Variants in CD5 observed in about 807,000 individuals in gnomAD.
The protein encoded by CD5 is CD5 molecule, also known as T-cell surface glycoprotein CD5.
A neutral mutation model predicts 60.3 loss-of-function variants in CD5; 36 were observed. That is an observed-to-expected ratio of 0.60 (90% CI 0.46 to 0.79). The LOEUF is 0.79. Ranked by LOEUF, CD5 falls within the 30% of genes least tolerant of loss-of-function variation. The pLI, the probability that CD5 is intolerant of heterozygous loss-of-function variation, is 0.00. For missense variants in CD5, 540 were observed against 630.6 expected, an observed-to-expected ratio of 0.86 and a Z score of 1.54; for synonymous variants, 230 against 257.6, an observed-to-expected ratio of 0.89 and a Z score of 1.03.
chr11:61,101,363 T>A (rs1017677937), upstream of CD5, among the ~76,000 whole-genome samples: 2 of 73,454 alleles, frequency 2.7e-5, no homozygotes, highest in Non-Finnish European at 5.3e-5. Flanking sequence ...AACATGGAGA[T>A]CACACACACA....
chr11:61,119,632 A>T, intron 5 of CD5, 57 bp downstream of exon 5: 1 of 1,246,116 alleles, frequency 8.0e-7, no homozygotes, highest in Non-Finnish European at 1.1e-6. Flanking sequence ...GTGGGGTCAC[A>T]GAGCATCCCA....
chr11:61,114,986 G>A, intron 1 of CD5, 70 bp from the exon 2 acceptor site: 2 of 1,459,446 alleles, frequency 1.4e-6, no homozygotes, highest in Non-Finnish European at 1.9e-6. Context: ...CGGGCTGTGG[G>A]TGGGTGAGCT....
intron 5 of CD5, among the ~76,000 whole-genome samples, chr11:61,121,084 C>T (rs572311305): frequency 6.6e-6 from 1 of 152,370 alleles, no homozygotes; most frequent in African/African-American, 2.4e-5. Context: ...TGCTGAAAGC[C>T]TGGCCCTCAG....
intron 1 of CD5, among the ~76,000 whole-genome samples, chr11:61,110,891 GTGATGGTGATGA>G (rs1860845716): frequency 1.3e-5 from 2 of 152,166 alleles, no homozygotes; most frequent in Admixed American, 1.3e-4. Flanking sequence ...GATGGTGACG[GTGATGGTGATGA>G]TGATGGTGAC....
At chr11:61,109,161 A>G (rs1032093144) in intron 1 of CD5, among the ~76,000 whole-genome samples, 2 of 152,248 alleles carry the variant, frequency 1.3e-5, no homozygotes, top group African/African-American at 4.8e-5. Context: ...CATGCAAGTC[A>G]ACAAATATTC....
At chr11:61,095,716 T>C in the CD5 span, among the ~76,000 whole-genome samples, 1 of 152,062 alleles carries the variant, frequency 6.6e-6, no homozygotes. Flanking sequence ...GAGGCATTAA[T>C]AGAAGGTCTA....
intron 8 of CD5, 113 bp downstream of exon 8, chr11:61,124,050 G>C (rs1861111367): frequency 1.2e-6 from 1 of 813,612 alleles, no homozygotes; most frequent in Non-Finnish European, 2.1e-6. Flanking sequence ...TGAAGCCTCT[G>C]ATCTCCACGG....
intron 1 of CD5, among the ~76,000 whole-genome samples, chr11:61,107,123 G>A (rs541251611): frequency 6.6e-6 from 1 of 152,160 alleles, no homozygotes; most frequent in African/African-American, 2.4e-5. Flanking sequence ...GGCTGGGACC[G>A]GAAGCCTTGG....
Position 61,119,218 on chromosome 11 carries a change from C to T in CD5, c.464-16C>T. 1 of 1,568,286 alleles carries T rather than the reference C, an allele frequency of 6.4e-7. No homozygotes were observed. Among genetic ancestry groups the T allele is most frequent in the Non-Finnish European group, 8.6e-7 (1 of 1,158,218 alleles). The stretch of plus-strand genomic sequence containing the variant: ...GCGCTCAGGGTGGCTCCCCCTCCTG[C>T]TCTCTCCTCTCCTAGCTCCTCCCAG... On this transcript the variant is annotated splice_polypyrimidine_tract_variant and intron_variant, in intron 4 of 10. Transcript: ENST00000347785.
chr11:61,123,051 A>C lies in CD5; in HGVS notation c.1225+19A>C. On this transcript the variant is annotated intron_variant, in intron 7 of 10. Transcript: ENST00000347785. ...AAGAAATGTAGGTGTCACGGCCCTG[A>C]GTGGCTCCGTTCCCACGTGCAGAGA... The C allele has an allele frequency of 6.3e-7, 1 of 1,594,252 alleles. No individual in the cohort carries two copies. Among genetic ancestry groups the C allele is most frequent in the Non-Finnish European group, 8.5e-7 (1 of 1,169,630 alleles).
intron 7 of CD5, 73 bp from the exon 8 acceptor site, chr11:61,123,811 A>AGGC: frequency 2.3e-5 from 6 of 262,100 alleles, no homozygotes; most frequent in East Asian, 9.3e-5. Flanking sequence ...GCCCAGCCCC[A>AGGC]TCCCCACCCC....
At chr11:61,125,262 AC>A (rs1168851026) in intron 9 of CD5, 111 bp downstream of exon 9, 3 of 1,225,804 alleles carry the variant, frequency 2.4e-6, no homozygotes, top group Admixed American at 2.0e-5. Context: ...CAGAATGGAG[AC>A]CCCAGGGTGC....
chr11:61,095,908 C>T, the CD5 span, among the ~76,000 whole-genome samples: 2 of 152,200 alleles, frequency 1.3e-5, no homozygotes, highest in Admixed American at 6.5e-5. Flanking sequence ...AGTCAAAGCA[C>T]GGAATATATC....
Position 61,126,740 on chromosome 11 carries a change from G to A in CD5, c.*455G>A, listed in dbSNP as rs1289592624. ...CAAATCGAGCGCTTTGGCCTCTTCTGTGCAGCATCCACCCCTGCGGATCCC... is the reference window on the plus strand; with the variant it reads ...CAAATCGAGCGCTTTGGCCTCTTCTATGCAGCATCCACCCCTGCGGATCCC... On this transcript the variant is annotated 3_prime_UTR_variant, in exon 11 of 11. Transcript: ENST00000347785. 1 of 152,270 alleles carries A rather than the reference G, an allele frequency of 6.6e-6. No individual in the cohort carries two copies. The highest frequency in any genetic ancestry group is 2.4e-5 in the African/African-American group (1 of 41,448). 9.4% of individuals were successfully genotyped at this position (152,270 alleles called of 1,614,324 possible).
At chr11:61,122,373 T>TGATG (rs6144363) in intron 6 of CD5, among the ~76,000 whole-genome samples, 1,550 of 116,732 alleles carry the variant, frequency 0.013, 17 homozygotes, top group Middle Eastern at 0.024. Flanking sequence ...GGTGGATGGA[T>TGATG]GATGGATGGA....
chr11:61,119,641 C>A, intron 5 of CD5, 66 bp downstream of exon 5: 1 of 1,165,238 alleles, frequency 8.6e-7, no homozygotes, highest in Non-Finnish European at 1.2e-6. Flanking sequence ...CAGAGCATCC[C>A]AGAAGGTCAG....
chr11:61,119,665 A>C (rs1452701519), intron 5 of CD5, 90 bp downstream of exon 5: 1 of 875,920 alleles, frequency 1.1e-6, no homozygotes. Context: ...ACATGTGTGC[A>C]GCACAGGGCA....
intron 1 of CD5, among the ~76,000 whole-genome samples, chr11:61,103,643 TG>T (rs1260630375): frequency 7.9e-4 from 63 of 79,362 alleles, no homozygotes; most frequent in African/African-American, 5.1e-3. Flanking sequence ...GTGAGAACTG[TG>T]TTGGGGGGTA....
chr11:61,106,010 A>G (rs1186928272), intron 1 of CD5, among the ~76,000 whole-genome samples: 1 of 151,618 alleles, frequency 6.6e-6, no homozygotes, highest in Non-Finnish European at 1.5e-5. Context: ...CTGTAATGCC[A>G]GCTACTCAGG....
Sources: gnomAD v4.1 joint callset for allele counts (sites outside exome capture counted in the v4.1 genomes callset) on GRCh38, gnomAD v4.1.1 for gene constraint, MANE v1.5 for transcripts, NCBI Gene and HGNC (gene_info 2026-07-23, HGNC 2026-07-21) for gene names.